ACTR3C: variants seen among roughly 807,000 people sequenced by gnomAD.
The protein encoded by ACTR3C is actin related protein 3C, also known as actin-related protein 3C.
In ACTR3C, 18 loss-of-function variants were observed where a neutral mutation model predicts 26.3. The ratio of observed to expected loss-of-function variants is 0.68; its 90% CI spans 0.47 to 1.01. ACTR3C has a LOEUF of 1.01. ACTR3C is among the 50% of genes least tolerant of loss of function. The probability of loss-of-function intolerance (pLI) is 0.00; values close to 1 mark genes in which losing one functional copy is unlikely to be tolerated. For synonymous variants in ACTR3C, 55 were observed against 94.5 expected (o/e 0.58, Z 2.42); for missense variants, 184 against 250.7 (o/e 0.73, Z 1.80).
the ACTR3C span, among the ~76,000 whole-genome samples, chr7:150,035,257 G>A: frequency 1.1e-5 from 1 of 91,624 alleles, no homozygotes; most frequent in Non-Finnish European, 2.5e-5. Flanking sequence ...GGGGAACCAG[G>A]GGCTGGCTCT....
the ACTR3C span, among the ~76,000 whole-genome samples, chr7:150,110,090 C>T: frequency 3.6e-5 from 4 of 111,120 alleles, no homozygotes; most frequent in Middle Eastern, 3.4e-3. Context: ...CAGGCGAGGG[C>T]CAAGACCTGT....
chr7:150,259,812 A>C (rs1456862949), intron 6 of ACTR3C, among the ~76,000 whole-genome samples: 1 of 152,198 alleles, frequency 6.6e-6, no homozygotes, highest in East Asian at 1.9e-4. Context: ...CCCACCTGTC[A>C]CCATAGCAAA....
chr7:150,302,134 C>A (rs1226448018), intron 1 of ACTR3C, among the ~76,000 whole-genome samples: 3 of 152,096 alleles, frequency 2.0e-5, no homozygotes, highest in Admixed American at 6.5e-5. Flanking sequence ...GAACAGACAG[C>A]TCGCAAAAGA....
the ACTR3C span, among the ~76,000 whole-genome samples, chr7:149,915,440 G>C: frequency 6.6e-6 from 1 of 151,890 alleles, no homozygotes; most frequent in Non-Finnish European, 1.5e-5. Context: ...AAATAATATT[G>C]CTCTTTAAAT....
At chr7:149,929,107 C>A in the ACTR3C span, among the ~76,000 whole-genome samples, 33 of 152,176 alleles carry the variant, frequency 2.2e-4, no homozygotes, top group Admixed American at 1.9e-3. Context: ...ATTTTGCAAC[C>A]ATCACCATAA....
the ACTR3C span, chr7:150,073,557 A>G: frequency 6.7e-6 from 1 of 148,216 alleles, no homozygotes; most frequent in African/African-American, 2.5e-5. Context: ...CCTGATCATA[A>G]TTAAATTTCA....
the ACTR3C span, among the ~76,000 whole-genome samples, chr7:150,032,006 C>T: frequency 0.012 from 1,845 of 152,330 alleles, 5 homozygotes; most frequent in African/African-American, 0.024. Context: ...GGAGGTGTCC[C>T]TGCTTGCTCC....
At chr7:150,178,503 C>T in the ACTR3C span, among the ~76,000 whole-genome samples, 3 of 150,200 alleles carry the variant, frequency 2.0e-5, no homozygotes, top group Non-Finnish European at 4.4e-5. Flanking sequence ...AGGCTGGTCT[C>T]GAACTCCTGA....
At chr7:150,233,926 T>G in the ACTR3C span, among the ~76,000 whole-genome samples, 2 of 152,172 alleles carry the variant, frequency 1.3e-5, no homozygotes, top group African/African-American at 4.8e-5. Flanking sequence ...TGAAGAGTAA[T>G]CAGTGAGGCA....
chr7:150,113,637 A>T, the ACTR3C span, among the ~76,000 whole-genome samples: 2 of 152,252 alleles, frequency 1.3e-5, no homozygotes, highest in Non-Finnish European at 2.9e-5. Context: ...CGGTTTAATC[A>T]TGAATAAATT....
chr7:150,151,065 C>T, the ACTR3C span, among the ~76,000 whole-genome samples: 598 of 104,444 alleles, frequency 5.7e-3, 26 homozygotes, highest in African/African-American at 0.02. Context: ...TATTTTCCTT[C>T]TAATTATTTT....
At chr7:150,207,633 ATACT>A in the ACTR3C span, among the ~76,000 whole-genome samples, 4 of 135,710 alleles carry the variant, frequency 2.9e-5, no homozygotes, top group East Asian at 7.7e-4. Flanking sequence ...GGGGAGATAA[ATACT>A]TACCTATTTA....
At chr7:149,961,897 T>C in the ACTR3C span, among the ~76,000 whole-genome samples, 3 of 146,474 alleles carry the variant, frequency 2.0e-5, no homozygotes, top group Admixed American at 2.0e-4. Flanking sequence ...ACATAGGAAA[T>C]ATGGGCTCAT....
chr7:150,125,941 G>T, the ACTR3C span, among the ~76,000 whole-genome samples: 1 of 152,192 alleles, frequency 6.6e-6, no homozygotes, highest in Non-Finnish European at 1.5e-5. Context: ...CCTGCTGCAG[G>T]CTCGGTTCTG....
the ACTR3C span, among the ~76,000 whole-genome samples, chr7:150,233,857 T>C: frequency 2.6e-5 from 4 of 152,278 alleles, no homozygotes; most frequent in African/African-American, 9.6e-5. Context: ...TTCTGACTTG[T>C]TTTTTCTTGC....
At chr7:150,065,342 G>A in the ACTR3C span, among the ~76,000 whole-genome samples, 1 of 152,132 alleles carries the variant, frequency 6.6e-6, no homozygotes, top group African/African-American at 2.4e-5. Context: ...TTGCATTACT[G>A]CTATATATGA....
the ACTR3C span, among the ~76,000 whole-genome samples, chr7:149,930,407 C>T: frequency 1.3e-5 from 2 of 152,170 alleles, no homozygotes; most frequent in African/African-American, 4.8e-5. Context: ...CAGAGAGTGA[C>T]AAAGCAAATG....
the ACTR3C span, among the ~76,000 whole-genome samples, chr7:150,052,304 A>G: frequency 2.0e-5 from 3 of 152,190 alleles, no homozygotes; most frequent in Non-Finnish European, 4.4e-5. Context: ...AGAACTCTCC[A>G]CTAGGGGCTG....
chr7:150,088,112 T>G, the ACTR3C span, among the ~76,000 whole-genome samples: 1 of 152,234 alleles, frequency 6.6e-6, no homozygotes, highest in South Asian at 2.1e-4. Flanking sequence ...TTTGCAAAAG[T>G]GTTCTCCCAT....
Sources: gnomAD v4.1 joint callset for allele counts (sites outside exome capture counted in the v4.1 genomes callset) on GRCh38, gnomAD v4.1.1 for gene constraint, MANE v1.5 for transcripts, NCBI Gene and HGNC (gene_info 2026-07-23, HGNC 2026-07-21) for gene names.